The following PCDH15 variants were observed in gnomAD, a reference collection of about 807,000 sequenced individuals.
PCDH15 encodes protocadherin-15.
Under a neutral mutation model 178.5 loss-of-function variants are expected in PCDH15, and 129 were observed. The observed-to-expected ratio is 0.72, with a 90% CI of 0.63 to 0.84. The LOEUF (loss-of-function observed/expected upper bound fraction) is 0.84. Among genes scored for constraint, PCDH15 ranks in the 40% least tolerant of loss-of-function variants. The pLI is 0.00. For synonymous variants in PCDH15, 800 were observed against 732.0 expected (o/e 1.09, Z -1.50); for missense variants, 2,230 against 2,099.9 (o/e 1.06, Z -1.21).
At chr10:53,822,953 T>C in intron 32 of PCDH15, 1 of 1,614,080 alleles carries the variant, frequency 6.2e-7, no homozygotes, top group Non-Finnish European at 8.5e-7. Flanking sequence ...TGATCTCTGG[T>C]CTATTTGGAA....
intron 15 of PCDH15, among the ~76,000 whole-genome samples, chr10:54,105,349 CA>C: frequency 6.8e-6 from 1 of 147,964 alleles, no homozygotes; most frequent in Non-Finnish European, 1.5e-5. Context: ...TACACACACA[CA>C]CACACATACA....
At chr10:54,413,900 G>A (rs982397399) in intron 3 of PCDH15, among the ~76,000 whole-genome samples, 7 of 152,074 alleles carry the variant, frequency 4.6e-5, no homozygotes, top group African/African-American at 1.7e-4. Context: ...TACTGGATGA[G>A]AGACTGCTTA....
At chr10:55,125,166 TGTGTG>T (rs1591921541) in intron 2 of PCDH15, among the ~76,000 whole-genome samples, 1 of 123,408 alleles carries the variant, frequency 8.1e-6, no homozygotes, top group Non-Finnish European at 1.7e-5. Flanking sequence ...TTTTTAATTG[TGTGTG>T]TGTGTGTGTG....
intron 2 of PCDH15, among the ~76,000 whole-genome samples, chr10:55,013,164 A>G (rs1840087310): frequency 6.6e-6 from 1 of 152,098 alleles, no homozygotes; most frequent in Non-Finnish European, 1.5e-5. Context: ...ACATCTTACA[A>G]ATCCATTCAT....
chr10:55,024,104 C>T lies in PCDH15; in HGVS notation c.-79-126604G>A, dbSNP rs1392933070. Reference sequence around the variant, plus strand: ...ATATATATATATAGGAAGGAATATACATATATATATAGGAAGGAATATATA... The same window carrying T: ...ATATATATATATAGGAAGGAATATATATATATATATAGGAAGGAATATATA... On this transcript the variant is annotated intron_variant, in intron 2 of 5. Coordinates refer to the PCDH15 transcript ENST00000458638. Among the ~76,000 whole-genome samples the T allele has an allele frequency of 2.2e-5, 3 of 137,514 alleles. No homozygotes were observed. In the East Asian group the frequency reaches 6.3e-4, roughly 29 times the overall value. 90.2% of individuals were successfully genotyped at this position (137,514 alleles called of 152,430 possible).
intron 2 of PCDH15, among the ~76,000 whole-genome samples, chr10:55,379,297 G>T (rs1412626811): frequency 6.6e-6 from 1 of 151,744 alleles, no homozygotes; most frequent in Non-Finnish European, 1.5e-5. Context: ...TTCTCCTAAT[G>T]TACCCCTGTC....
chr10:55,219,214 T>C (rs1342759630), intron 1 of PCDH15, among the ~76,000 whole-genome samples: 12 of 151,866 alleles, frequency 7.9e-5, no homozygotes, highest in Non-Finnish European at 1.3e-4. Flanking sequence ...CATAAATAAG[T>C]AGGGTCTTCT....
chr10:53,914,172 T>TTCC (rs1461039247), intron 25 of PCDH15, among the ~76,000 whole-genome samples: 1 of 152,210 alleles, frequency 6.6e-6, no homozygotes, highest in African/African-American at 2.4e-5. Flanking sequence ...GGTGGGAGTT[T>TTCC]AAACTAGTTT....
chr10:54,269,682 A>T (rs763767337), intron 8 of PCDH15, among the ~76,000 whole-genome samples: 4 of 151,972 alleles, frequency 2.6e-5, no homozygotes, highest in Non-Finnish European at 5.9e-5. Flanking sequence ...AAGACCCATA[A>T]CAATTCTATC....
intron 3 of PCDH15, among the ~76,000 whole-genome samples, chr10:54,497,074 C>T (rs528906315): frequency 2.6e-5 from 4 of 152,148 alleles, no homozygotes; most frequent in Non-Finnish European, 5.9e-5. Context: ...ATATCTTGGC[C>T]TTTCCAGCAC....
rs576526635 is a variant in PCDH15 at position 54,175,898 on chromosome 10, C to A, written c.1590+7546G>T. 2.2e-3 allele frequency among the ~76,000 whole-genome samples: 330 copies of A among 152,002 alleles called. 1 individual carries two copies. Among genetic ancestry groups the A allele is most frequent in the African/African-American group, 7.7e-3 (318 of 41,464 alleles). On this transcript the variant is annotated intron_variant, in intron 13 of 37. Coordinates refer to ENST00000644397, the MANE Select transcript of PCDH15 (RefSeq NM_001384140.1). ...ACCTATGATATAGGTATGATAATTA[C>A]CTATGATATAGGTATACCTATGATA...
At chr10:54,272,521 C>T (rs890389701) in intron 8 of PCDH15, among the ~76,000 whole-genome samples, 2 of 150,478 alleles carry the variant, frequency 1.3e-5, no homozygotes, top group East Asian at 1.9e-4. Context: ...AAGAGGGGTA[C>T]TTTTTGTTTA....
In PCDH15 at chr10:54,308,531, G is replaced by T. The variant is rs117661150; in HGVS notation, c.876+8740C>A. On this transcript the variant is annotated intron_variant, in intron 8 of 37. Transcript: ENST00000644397. Reference sequence around the variant, plus strand: ...TGTCTTCACATTATCTATAATTGGTGCTATGGTATATTACAGTTGAATATA... The same window carrying T: ...TGTCTTCACATTATCTATAATTGGTTCTATGGTATATTACAGTTGAATATA... 3.4e-3 allele frequency among the ~76,000 whole-genome samples: 520 copies of T among 151,892 alleles called. 9 individuals are homozygous for T. The East Asian group carries it at 0.035, about 10-fold the overall frequency.
chr10:55,333,413 T>C (rs1202927518), intron 2 of PCDH15, among the ~76,000 whole-genome samples: 2 of 151,680 alleles, frequency 1.3e-5, no homozygotes, highest in Admixed American at 6.6e-5. Flanking sequence ...TTTCAAGAAA[T>C]AGAAATAAAA....
chr10:54,952,326 G>A (rs1490243294), intron 2 of PCDH15, among the ~76,000 whole-genome samples: 3 of 151,712 alleles, frequency 2.0e-5, no homozygotes, highest in Non-Finnish European at 4.4e-5. Flanking sequence ...ATTTGCATAG[G>A]TCTACTTCGA....
chr10:54,849,708 C>G (rs929780862), intron 3 of PCDH15, among the ~76,000 whole-genome samples: 1 of 152,032 alleles, frequency 6.6e-6, no homozygotes, highest in African/African-American at 2.4e-5. Flanking sequence ...TGGTTTTTGC[C>G]AATCATTTCA....
At chr10:54,422,272 T>C (rs535329873) in intron 3 of PCDH15, among the ~76,000 whole-genome samples, 15 of 152,160 alleles carry the variant, frequency 9.9e-5, no homozygotes, top group Middle Eastern at 3.4e-3. Context: ...TTACAGGCTA[T>C]GTGATTGTGG....
In PCDH15 at chr10:54,189,274, T is replaced by C. The variant is rs2048750749; in HGVS notation, c.1306-4006A>G. 2.1e-5 allele frequency: 20 copies of C among 973,112 alleles called. 1 individual carries two copies. The highest frequency in any genetic ancestry group is 3.3e-5 in the African/African-American group (2 of 61,470). 60.3% of individuals were successfully genotyped at this position (973,112 alleles called of 1,614,324 possible). On this transcript the variant is annotated intron_variant, in intron 11 of 37. Coordinates refer to ENST00000644397, the MANE Select transcript of PCDH15 (RefSeq NM_001384140.1). ...TTATAAGGGATAATGAAGTAATACC[T>C]ACGTGTTTTAGTGAAGAAAAAAAAG...
At chr10:55,157,955 T>A (rs1022049715) in intron 2 of PCDH15, among the ~76,000 whole-genome samples, 1 of 1,106 alleles carries the variant, frequency 9.0e-4, no homozygotes, top group South Asian at 0.25. Flanking sequence ...AAAGGATAAT[T>A]TAAAAAATAA....
Sources: allele counts gnomAD v4.1 joint callset (sites outside exome capture counted in the v4.1 genomes callset), GRCh38; gene constraint gnomAD v4.1.1; transcripts MANE v1.5; gene names NCBI Gene and HGNC (gene_info 2026-07-23, HGNC 2026-07-21).